Variants in IDO1 observed in about 807,000 individuals in gnomAD.
IDO1 encodes the protein indoleamine 2,3-dioxygenase 1, also known as indolamine 2,3 dioxygenase.
IDO1 carries 35 observed loss-of-function variants against 38.8 expected under a neutral mutation model. The observed-to-expected ratio is 0.90, with a 90% confidence interval of 0.69 to 1.20. The LOEUF (loss-of-function observed/expected upper bound fraction) is 1.20, where lower values mean the gene tolerates loss of function less well. Ranked by LOEUF, IDO1 falls within the 50% of genes most tolerant of loss-of-function variation. The pLI is 0.00. For missense variants in IDO1, 509 were observed against 485.1 expected (o/e 1.05, Z -0.46); for synonymous variants, 171 against 170.0 (o/e 1.01, Z -0.05).
At chr8:39,924,040 A>C (rs537273694) in intron 7 of IDO1, 1 of 152,736 alleles carries the variant, frequency 6.5e-6, no homozygotes, top group South Asian at 2.1e-4. Context: ...TGCAAAATTA[A>C]CAGCTAAAAA....
At chr8:39,916,692 A>G (rs894724744) in intron 1 of IDO1, among the ~76,000 whole-genome samples, 6 of 152,344 alleles carry the variant, frequency 3.9e-5, no homozygotes, top group African/African-American at 1.4e-4. Flanking sequence ...TTCCATATAG[A>G]TAGATACAAG....
chr8:39,916,060 G>A (rs1807170475), intron 1 of IDO1, among the ~76,000 whole-genome samples: 1 of 152,102 alleles, frequency 6.6e-6, no homozygotes, highest in Non-Finnish European at 1.5e-5. Context: ...TCGCTACTCA[G>A]GAGGCTGAGG....
At chr8:39,922,712 G>T in intron 6 of IDO1, 61 bp downstream of exon 6, 2 of 1,107,000 alleles carry the variant, frequency 1.8e-6, no homozygotes, top group South Asian at 2.5e-5. Context: ...CAATCACTTC[G>T]GAGCCTAAAC....
chr8:39,926,455 C>A (rs544613362), intron 9 of IDO1, among the ~76,000 whole-genome samples: 38 of 152,260 alleles, frequency 2.5e-4, no homozygotes, highest in Admixed American at 1.0e-3. Flanking sequence ...TGTCCCGTGG[C>A]CCCAGCCACC....
intron 9 of IDO1, among the ~76,000 whole-genome samples, chr8:39,926,891 T>G (rs1282204459): frequency 1.3e-5 from 2 of 152,166 alleles, no homozygotes; most frequent in Non-Finnish European, 2.9e-5. Context: ...CCTATCTTTG[T>G]GTCCATGTGT....
At position 39,913,963 on chromosome 8, in the gene IDO1, A is replaced by C. The variant is rs1022734986; in HGVS notation, c.41A>C (p.Glu14Ala). The change falls in exon 1 of 10, where the codon GAG becomes GCG. Residue 14 changes from glutamate (E) to alanine (A), a missense_variant. By Grantham distance (107) the Glu-to-Ala change is moderately radical (BLOSUM62 -1). Coordinates refer to ENST00000518237, the MANE Select transcript of IDO1 (RefSeq NM_002164.6). ...AMENSWTISK[E>A]YHIDEEVGFA... Reference sequence around the variant, plus strand: ...GAAAACTCCTGGACAATCAGTAAAGAGTACCATATTGATGAAGAAGTGGGC... The same window carrying C: ...GAAAACTCCTGGACAATCAGTAAAGCGTACCATATTGATGAAGAAGTGGGC... 1 of 1,576,222 alleles carries C rather than the reference A, an allele frequency of 6.3e-7. No homozygotes were observed. Among genetic ancestry groups the C allele is most frequent in the Non-Finnish European group, 8.6e-7 (1 of 1,160,712 alleles).
At position 39,914,066 on chromosome 8, in the gene IDO1, G is replaced by A. The variant is rs1758217406; in HGVS notation, c.87+57G>A. The A allele has an allele frequency of 2.4e-6, 3 of 1,259,456 alleles. No individual in the cohort carries two copies. In the African/African-American group the frequency reaches 4.5e-5, roughly 19 times the overall value. The allele number at this position is 1,259,456 out of a possible 1,614,324, so 78.0% of individuals were successfully genotyped here. On this transcript the variant is annotated intron_variant, in intron 1 of 9. Coordinates refer to ENST00000518237, the MANE Select transcript of IDO1 (RefSeq NM_002164.6). ...CATTCTTCTTCTCATTCCTTACCTG[G>A]CCAAGTTAACTTCTACTGAACAACT...
Position 39,928,314 on chromosome 8 carries a change from C to T in IDO1, c.*129C>T. The T allele has an allele frequency of 1.6e-6, 1 of 615,584 alleles. No individual in the cohort carries two copies. Among genetic ancestry groups the T allele is most frequent in the East Asian group, 2.8e-5 (1 of 35,738 alleles). The allele number at this position is 615,584 out of a possible 1,614,324, so 38.1% of individuals were successfully genotyped here. A position where few individuals can be genotyped will look rare whatever the true frequency, so the allele number is the denominator to read the frequency against. On this transcript the variant is annotated 3_prime_UTR_variant, in exon 10 of 10. Transcript: ENST00000518237. ...ACCAATAATGCAATACAAAAGACCT[C>T]AAAATACCTGTGCATTTCTTGTAGG...
At chr8:39,917,831 C>T in intron 1 of IDO1, 44 bp from the exon 2 acceptor site, 2 of 1,347,018 alleles carry the variant, frequency 1.5e-6, no homozygotes, top group Non-Finnish European at 2.1e-6. Context: ...GCCAAATCTA[C>T]AATAACTGCT....
chr8:39,915,011 C>G (rs1297973277), intron 1 of IDO1, among the ~76,000 whole-genome samples: 1 of 152,212 alleles, frequency 6.6e-6, no homozygotes, highest in African/African-American at 2.4e-5. Flanking sequence ...AGGTGATCCA[C>G]CGATCTTGGC....
At chr8:39,923,748 A>G (rs760027593) in intron 7 of IDO1, 162 bp downstream of exon 7, 4 of 473,072 alleles carry the variant, frequency 8.5e-6, no homozygotes, top group Non-Finnish European at 1.5e-5. Flanking sequence ...GGTAGGTTTC[A>G]TTATCTCCAT....
intron 5 of IDO1, among the ~76,000 whole-genome samples, chr8:39,921,868 T>C (rs528889982): frequency 1.3e-5 from 2 of 152,286 alleles, no homozygotes; most frequent in Admixed American, 1.3e-4. Context: ...AATATGAATA[T>C]AATTATTTAA....
chr8:39,924,888 T>G lies in IDO1; in HGVS notation c.707+116T>G, dbSNP rs9298586. The G allele has an allele frequency of 0.027, 21,054 of 792,900 alleles. 2,512 individuals carry two copies. The African/African-American group carries it at 0.28, about 11-fold the overall frequency. 49.1% of individuals were successfully genotyped at this position (792,900 alleles called of 1,614,324 possible). A position where few individuals can be genotyped will look rare whatever the true frequency, so the allele number is the denominator to read the frequency against. ...TGGCTAACAATTTACATCCAAAAAT[T>G]CACATGGTAGAAAAATACTAGACTG... On this transcript the variant is annotated intron_variant, in intron 8 of 9. Coordinates refer to ENST00000518237, the MANE Select transcript of IDO1 (RefSeq NM_002164.6).
rs543884126 is a variant in IDO1, at chr8:39,928,335, G to C, written c.*150G>C. ...ACCTCAAAATACCTGTGCATTTCTT[G>C]TAGGAAAACAACAAAAGGTAATTAT... On this transcript the variant is annotated 3_prime_UTR_variant, in exon 10 of 10. Coordinates refer to ENST00000518237, the MANE Select transcript of IDO1 (RefSeq NM_002164.6). 1.8e-6 allele frequency: 1 copy of C among 568,240 alleles called. No homozygotes were observed. Among genetic ancestry groups the C allele is most frequent in the South Asian group, 2.9e-5 (1 of 34,912 alleles). 35.2% of individuals were successfully genotyped at this position (568,240 alleles called of 1,614,324 possible).
chr8:39,923,679 CACTT>C (rs1321463885), intron 7 of IDO1, 93 bp downstream of exon 7: 9 of 676,874 alleles, frequency 1.3e-5, no homozygotes, highest in Admixed American at 2.7e-5. Flanking sequence ...AAGCAACTAT[CACTT>C]AGTATGTTTT....
intron 1 of IDO1, among the ~76,000 whole-genome samples, chr8:39,916,264 T>C (rs551369745): frequency 6.6e-6 from 1 of 151,378 alleles, no homozygotes; most frequent in African/African-American, 2.4e-5. Context: ...TCACTTGAGG[T>C]CAGGAGTTTG....
chr8:39,926,060 G>A (rs1563417682), intron 9 of IDO1, among the ~76,000 whole-genome samples: 1 of 151,892 alleles, frequency 6.6e-6, no homozygotes, highest in South Asian at 2.1e-4. Context: ...GGTGGCGGGT[G>A]CCTGTAGTCC....
intron 1 of IDO1, chr8:39,914,230 A>C: frequency 2.4e-6 from 1 of 422,960 alleles, no homozygotes; most frequent in Non-Finnish European, 4.3e-6. Context: ...CTTACCTAAC[A>C]TGGATACGGA....
At chr8:39,926,923 T>A (rs372682711) in intron 9 of IDO1, among the ~76,000 whole-genome samples, 65 of 152,340 alleles carry the variant, frequency 4.3e-4, no homozygotes, top group Middle Eastern at 3.4e-3. Context: ...AACTCCCACT[T>A]ATCGGTGAGA....
Sources: gnomAD v4.1 joint callset for allele counts (sites outside exome capture counted in the v4.1 genomes callset) on GRCh38, gnomAD v4.1.1 for gene constraint, MANE v1.5 for transcripts, NCBI Gene and HGNC (gene_info 2026-07-23, HGNC 2026-07-21) for gene names.